Variants in ZMAT4 observed in about 807,000 individuals in gnomAD.
The protein encoded by ZMAT4 is zinc finger matrin-type protein 4.
A neutral mutation model predicts 28.7 loss-of-function variants in ZMAT4; 17 were observed. That is an observed-to-expected ratio of 0.59 (90% CI 0.41 to 0.89). ZMAT4 has a LOEUF of 0.89. ZMAT4 is among the 40% of genes least tolerant of loss of function. The probability of loss-of-function intolerance (pLI) is 0.00; values close to 1 mark genes in which losing one functional copy is unlikely to be tolerated. For synonymous variants in ZMAT4, 117 were observed against 109.2 expected (o/e 1.07, Z -0.44); for missense variants, 240 against 283.8 (o/e 0.85, Z 1.11).
At chr8:40,825,893 C>A (rs1299490222) in intron 1 of ZMAT4, among the ~76,000 whole-genome samples, 1 of 152,138 alleles carries the variant, frequency 6.6e-6, no homozygotes, top group Non-Finnish European at 1.5e-5. Flanking sequence ...AGTTGCTTTA[C>A]CCTAAAAAAT....
At chr8:40,752,017 G>A (rs1023882291) in intron 3 of ZMAT4, among the ~76,000 whole-genome samples, 8 of 152,050 alleles carry the variant, frequency 5.3e-5, no homozygotes, top group Non-Finnish European at 1.0e-4. Flanking sequence ...GAACAGGGTG[G>A]ACCCTCCAGG....
At chr8:40,775,982 G>T (rs6989145) in intron 2 of ZMAT4, among the ~76,000 whole-genome samples, 1 of 152,080 alleles carries the variant, frequency 6.6e-6, no homozygotes, top group Non-Finnish European at 1.5e-5. Flanking sequence ...CTACACGCCA[G>T]GAGAGAGCCA....
intron 1 of ZMAT4, among the ~76,000 whole-genome samples, chr8:40,881,499 G>GAGGA (rs58112812): frequency 1.5e-5 from 2 of 129,526 alleles, no homozygotes; most frequent in South Asian, 2.7e-4. Context: ...AAGAAAGAAA[G>GAGGA]AGGAAGGAAG....
intron 2 of ZMAT4, among the ~76,000 whole-genome samples, chr8:40,800,397 G>A (rs1814787615): frequency 6.6e-6 from 1 of 152,066 alleles, no homozygotes; most frequent in Admixed American, 6.6e-5. Context: ...GGAATATAAT[G>A]GATATCTATA....
chr8:40,871,811 A>C (rs554530238), intron 1 of ZMAT4, among the ~76,000 whole-genome samples: 1 of 152,280 alleles, frequency 6.6e-6, no homozygotes, highest in Admixed American at 6.5e-5. Context: ...TCATTCCCTC[A>C]TGCTCTTTTC....
At chr8:40,542,688 C>T (rs1410902368) in intron 6 of ZMAT4, among the ~76,000 whole-genome samples, 1 of 152,130 alleles carries the variant, frequency 6.6e-6, no homozygotes, top group Admixed American at 6.5e-5. Flanking sequence ...TGTGCCTGAC[C>T]TCATACAATT....
chr8:40,817,767 G>A (rs1458887422), intron 2 of ZMAT4, among the ~76,000 whole-genome samples: 1 of 152,184 alleles, frequency 6.6e-6, no homozygotes, highest in South Asian at 2.1e-4. Context: ...AGAACTTGAG[G>A]TCACTCCTGT....
chr8:40,803,723 G>GGA (rs1563495320), intron 2 of ZMAT4, among the ~76,000 whole-genome samples: 29 of 151,876 alleles, frequency 1.9e-4, no homozygotes, highest in Non-Finnish European at 2.9e-5. Context: ...AATCACACTC[G>GGA]TTGGTATATA....
At chr8:40,783,140 T>C (rs957204661) in intron 2 of ZMAT4, among the ~76,000 whole-genome samples, 28 of 152,260 alleles carry the variant, frequency 1.8e-4, no homozygotes, top group African/African-American at 6.0e-4. Flanking sequence ...ATAATCAGTA[T>C]GTGGAAATAA....
intron 1 of ZMAT4, among the ~76,000 whole-genome samples, chr8:40,828,788 G>A (rs149590047): frequency 2.6e-5 from 4 of 151,990 alleles, no homozygotes; most frequent in East Asian, 1.9e-4. Flanking sequence ...AAAAGAGAGC[G>A]CAGTCCATGT....
At chr8:40,822,293 C>T (rs937316729) in intron 2 of ZMAT4, among the ~76,000 whole-genome samples, 12 of 152,198 alleles carry the variant, frequency 7.9e-5, no homozygotes, top group Non-Finnish European at 2.9e-5. Flanking sequence ...CAATAACTAA[C>T]TCTAATATTG....
At chr8:40,625,264 G>A (rs1806330604) in intron 5 of ZMAT4, among the ~76,000 whole-genome samples, 1 of 146,062 alleles carries the variant, frequency 6.8e-6, no homozygotes, top group Non-Finnish European at 1.6e-5. Flanking sequence ...GAGGCAGGAA[G>A]GAGCTAGATA....
At chr8:40,719,276 T>C (rs1810980330) in intron 3 of ZMAT4, among the ~76,000 whole-genome samples, 1 of 151,910 alleles carries the variant, frequency 6.6e-6, no homozygotes, top group Non-Finnish European at 1.5e-5. Flanking sequence ...CTGTCTCTAC[T>C]AAAAATACAC....
chr8:40,614,298 A>G (rs764938304), intron 5 of ZMAT4, among the ~76,000 whole-genome samples: 1 of 152,262 alleles, frequency 6.6e-6, no homozygotes. Context: ...TTACAATAAC[A>G]TAAAATCCTT....
chr8:40,863,308 TA>T (rs1817568909), intron 1 of ZMAT4, among the ~76,000 whole-genome samples: 1 of 151,818 alleles, frequency 6.6e-6, no homozygotes, highest in African/African-American at 2.4e-5. Context: ...TAAAAGCATG[TA>T]GATTAAACCA....
At chr8:40,545,847 G>A (rs775692496) in intron 6 of ZMAT4, among the ~76,000 whole-genome samples, 3 of 150,984 alleles carry the variant, frequency 2.0e-5, no homozygotes, top group Non-Finnish European at 4.4e-5. Flanking sequence ...TCAATAAAAA[G>A]GAAGAAAGGT....
intron 5 of ZMAT4, among the ~76,000 whole-genome samples, chr8:40,629,115 T>A (rs186398191): frequency 6.6e-6 from 1 of 151,832 alleles, no homozygotes; most frequent in Admixed American, 6.6e-5. Flanking sequence ...TGATTCGACC[T>A]CTATCTTATT....
At chr8:40,568,724 A>C (rs1294880351) in intron 6 of ZMAT4, among the ~76,000 whole-genome samples, 1 of 152,144 alleles carries the variant, frequency 6.6e-6, no homozygotes, top group Admixed American at 6.5e-5. Flanking sequence ...AGCCATAATG[A>C]GGTATTTAAG....
At chr8:40,687,365 C>T (rs528107496) in intron 4 of ZMAT4, among the ~76,000 whole-genome samples, 6 of 152,088 alleles carry the variant, frequency 3.9e-5, no homozygotes, top group South Asian at 2.1e-4. Context: ...CTGACTGTCC[C>T]GGGGAGGGCG....
Sources: allele counts gnomAD v4.1 joint callset (sites outside exome capture counted in the v4.1 genomes callset), GRCh38; gene constraint gnomAD v4.1.1; transcripts MANE v1.5; gene names NCBI Gene and HGNC (gene_info 2026-07-23, HGNC 2026-07-21).